The following FAM135B variants were observed in gnomAD, a reference collection of about 807,000 sequenced individuals.
The protein encoded by FAM135B is protein FAM135B.
A neutral mutation model predicts 127.7 loss-of-function variants in FAM135B; 43 were observed. The ratio of observed to expected loss-of-function variants is 0.34; its 90% confidence interval spans 0.26 to 0.43. The LOEUF (loss-of-function observed/expected upper bound fraction) is 0.43. FAM135B is among the 20% of genes least tolerant of loss of function. The pLI is 1.00. For synonymous variants in FAM135B, 670 were observed against 665.1 expected (o/e 1.01, Z -0.11); for missense variants, 1,558 against 1,725.6 (o/e 0.90, Z 1.72).
intron 8 of FAM135B, 110 bp from the exon 9 acceptor site, chr8:138,195,417 C>G (rs1230510772): frequency 2.0e-6 from 2 of 1,000,688 alleles, no homozygotes; most frequent in African/African-American, 1.6e-5. Context: ...GTCACAGAGA[C>G]AAACACATTG....
chr8:138,190,055 C>G (rs974637384), intron 9 of FAM135B, among the ~76,000 whole-genome samples: 2 of 152,148 alleles, frequency 1.3e-5, no homozygotes, highest in African/African-American at 4.8e-5. Flanking sequence ...TGCAGACAGC[C>G]CCTCGTCTGC....
chr8:138,150,895 T>C (rs565398932), intron 13 of FAM135B, among the ~76,000 whole-genome samples: 2 of 152,178 alleles, frequency 1.3e-5, no homozygotes, highest in East Asian at 3.9e-4. Context: ...CTAATTTTTG[T>C]ATAAAAAGCA....
chr8:138,409,214 G>A (rs1833710634), intron 1 of FAM135B, among the ~76,000 whole-genome samples: 1 of 152,092 alleles, frequency 6.6e-6, no homozygotes, highest in Non-Finnish European at 1.5e-5. Context: ...CCGATTTTCA[G>A]TATTGTTGTG....
chr8:138,339,206 A>C (rs1343532120), intron 2 of FAM135B, among the ~76,000 whole-genome samples: 1 of 152,000 alleles, frequency 6.6e-6, no homozygotes, highest in African/African-American at 2.4e-5. Context: ...ACATGTATAC[A>C]TATGTAACTA....
chr8:138,492,553 GA>G (rs1815244164), intron 1 of FAM135B, among the ~76,000 whole-genome samples: 1 of 152,054 alleles, frequency 6.6e-6, no homozygotes, highest in African/African-American at 2.4e-5. Flanking sequence ...TCTGTTAGAG[GA>G]AAAGACTGGC....
At chr8:138,292,417 A>T (rs1052210290) in intron 3 of FAM135B, among the ~76,000 whole-genome samples, 3 of 152,124 alleles carry the variant, frequency 2.0e-5, no homozygotes, top group Non-Finnish European at 4.4e-5. Flanking sequence ...AAAAAGAACT[A>T]AACTTCATAT....
rs142737960 is a variant in FAM135B at position 138,296,214 on chromosome 8, C to T, written c.157+14627G>A. Among the ~76,000 whole-genome samples the T allele has an allele frequency of 2.8e-4, 43 of 152,286 alleles. 1 individual carries two copies. In the East Asian group the frequency reaches 7.9e-3, roughly 28 times the overall value. ...TCATCAACTTGTTTTTATCTGCCCA[C>T]CCCTGAATGTTCACACAGCCTCAGA... On this transcript the variant is annotated intron_variant, in intron 3 of 19. Coordinates refer to ENST00000395297, the MANE Select transcript of FAM135B (RefSeq NM_015912.4).
At chr8:138,272,814 G>C (rs1325215795) in intron 3 of FAM135B, among the ~76,000 whole-genome samples, 2 of 152,198 alleles carry the variant, frequency 1.3e-5, no homozygotes, top group African/African-American at 4.8e-5. Context: ...TTCAATAACA[G>C]AGTCCAGTGT....
At chr8:138,459,958 A>G (rs1343780168) in intron 1 of FAM135B, among the ~76,000 whole-genome samples, 1 of 152,230 alleles carries the variant, frequency 6.6e-6, no homozygotes, top group East Asian at 1.9e-4. Context: ...TAAAATGAAT[A>G]GAACCATAGA....
chr8:138,206,857 C>T (rs1381154038), intron 7 of FAM135B, among the ~76,000 whole-genome samples: 3 of 151,830 alleles, frequency 2.0e-5, no homozygotes, highest in South Asian at 2.1e-4. Context: ...ACAGCTCTAT[C>T]ATCCCCTCCA....
chr8:138,297,967 C>G (rs941827413), intron 3 of FAM135B, among the ~76,000 whole-genome samples: 1 of 152,198 alleles, frequency 6.6e-6, no homozygotes, highest in African/African-American at 2.4e-5. Flanking sequence ...CAGAAGGGAA[C>G]AAACAACACT....
chr8:138,136,117 A>AT (rs1450985488), intron 19 of FAM135B, among the ~76,000 whole-genome samples: 2 of 151,986 alleles, frequency 1.3e-5, no homozygotes, highest in African/African-American at 4.8e-5. Context: ...ACTAGATGGT[A>AT]TAAAACACAA....
intron 11 of FAM135B, among the ~76,000 whole-genome samples, chr8:138,171,360 C>A (rs1820422710): frequency 6.6e-6 from 1 of 152,114 alleles, no homozygotes. Flanking sequence ...ACACCACAAT[C>A]CACCCCACTC....
chr8:138,163,248 A>G (rs1204124877), intron 12 of FAM135B, among the ~76,000 whole-genome samples: 1 of 152,178 alleles, frequency 6.6e-6, no homozygotes. Context: ...TTAGGGGGAA[A>G]GACTCAAAAC....
intron 1 of FAM135B, among the ~76,000 whole-genome samples, chr8:138,465,368 G>A (rs1837330735): frequency 6.6e-6 from 1 of 152,182 alleles, no homozygotes. Flanking sequence ...ATTTACAGAT[G>A]GAGCATCTCA....
intron 3 of FAM135B, among the ~76,000 whole-genome samples, chr8:138,300,998 C>T (rs1331228609): frequency 1.3e-5 from 2 of 152,058 alleles, no homozygotes; most frequent in Non-Finnish European, 2.9e-5. Flanking sequence ...GATCTGCCCA[C>T]CTCGGCCTCC....
chr8:138,364,807 G>C (rs1252878291), intron 2 of FAM135B, among the ~76,000 whole-genome samples: 1 of 152,072 alleles, frequency 6.6e-6, no homozygotes, highest in Non-Finnish European at 1.5e-5. Context: ...AATAATCCAT[G>C]TTTTAAAAAT....
At chr8:138,361,126 C>T (rs959788587) in intron 2 of FAM135B, among the ~76,000 whole-genome samples, 16 of 152,088 alleles carry the variant, frequency 1.1e-4, no homozygotes, top group Non-Finnish European at 7.4e-5. Context: ...CAGGGTTTCA[C>T]CATGTTGGCC....
At chr8:138,168,465 C>CCAGATCCCCAGGATACAGACGCCAAA (rs1820143432) in intron 11 of FAM135B, among the ~76,000 whole-genome samples, 1 of 152,096 alleles carries the variant, frequency 6.6e-6, no homozygotes, top group Non-Finnish European at 1.5e-5. Context: ...AGGATCTGGT[C>CCAGATCCCCAGGATACAGACGCCAAA]ATATTTTGGC....
Sources: gnomAD v4.1 joint callset for allele counts (sites outside exome capture counted in the v4.1 genomes callset) on GRCh38, gnomAD v4.1.1 for gene constraint, MANE v1.5 for transcripts, NCBI Gene and HGNC (gene_info 2026-07-23, HGNC 2026-07-21) for gene names.